Variants in FBXL20 observed in about 807,000 individuals in gnomAD.
FBXL20 encodes the protein F-box and leucine rich repeat protein 20.
In FBXL20, 11 loss-of-function variants were observed where a neutral mutation model predicts 64.0. The observed-to-expected ratio is 0.17, with a 90% CI of 0.11 to 0.28. The LOEUF is 0.28. Among genes scored for constraint, FBXL20 ranks in the 10% least tolerant of loss-of-function variants. The pLI is 1.00. For missense variants in FBXL20, 303 were observed against 526.2 expected, an observed-to-expected ratio of 0.58 and a Z score of 4.15; for synonymous variants, 184 against 189.0, an observed-to-expected ratio of 0.97 and a Z score of 0.22.
chr17:39,384,435 G>C (rs2048057410), intron 1 of FBXL20, among the ~76,000 whole-genome samples: 1 of 151,096 alleles, frequency 6.6e-6, no homozygotes, highest in Non-Finnish European at 1.5e-5. Flanking sequence ...TGAGGCAGGA[G>C]AATCGCTTCA....
rs1306597273 is a variant in FBXL20 at position 39,287,843 on chromosome 17, G to A, written c.399-2270C>T. ...TTTTACATTCCCGCCAGAAATTCAT[G>A]AGGGACCCAGTTTTTCCAAATCCTT... On this transcript the variant is annotated intron_variant, in intron 6 of 14. Coordinates refer to ENST00000264658, the MANE Select transcript of FBXL20 (RefSeq NM_032875.3). Among the ~76,000 whole-genome samples, 6 of 152,066 alleles carry A rather than the reference G, an allele frequency of 3.9e-5. No homozygotes were observed. The East Asian group carries it at 7.7e-4, about 20-fold the overall frequency.
In FBXL20 at chr17:39,268,815, C is replaced by G; in HGVS notation, c.933+12G>C. The G allele has an allele frequency of 6.2e-7, 1 of 1,610,398 alleles. No homozygotes were observed. The highest frequency in any genetic ancestry group is 8.5e-7 in the Non-Finnish European group (1 of 1,177,260). On this transcript the variant is annotated intron_variant, in intron 12 of 14. Transcript: ENST00000264658. ...CTATACTGTATTTCTGAATTAAAATCTACAATCTTACCTGAACACACTCTT... is the reference window on the plus strand; with the variant it reads ...CTATACTGTATTTCTGAATTAAAATGTACAATCTTACCTGAACACACTCTT...
At chr17:39,266,223 G>GC (rs1555601661) in intron 12 of FBXL20, among the ~76,000 whole-genome samples, 1 of 110,282 alleles carries the variant, frequency 9.1e-6, no homozygotes. Context: ...CTAGTTTGTT[G>GC]TTTTTTTTTT....
At chr17:39,336,310 C>T (rs2047521545) in intron 2 of FBXL20, among the ~76,000 whole-genome samples, 2 of 152,012 alleles carry the variant, frequency 1.3e-5, no homozygotes, top group Admixed American at 1.3e-4. Flanking sequence ...TCTAAACAAA[C>T]CAAATGTTGT....
chr17:39,306,145 G>C lies in FBXL20; in HGVS notation c.105-2506C>G, dbSNP rs115137360. Reference sequence around the variant, plus strand: ...GCACTGTACTCCAGCCTGGGTGATAGAGTGAGTTCTTTTTTTTTTTTTTAA... The same window carrying C: ...GCACTGTACTCCAGCCTGGGTGATACAGTGAGTTCTTTTTTTTTTTTTTAA... On this transcript the variant is annotated intron_variant, in intron 2 of 14. Coordinates refer to ENST00000264658, the MANE Select transcript of FBXL20 (RefSeq NM_032875.3). Among the ~76,000 whole-genome samples the C allele has an allele frequency of 7.4e-3, 1,061 of 142,530 alleles. 14 individuals are homozygous for C. Among genetic ancestry groups the C allele is most frequent in the African/African-American group, 0.029 (1,021 of 34,898 alleles). 93.5% of individuals were successfully genotyped at this position (142,530 alleles called of 152,430 possible).
chr17:39,295,789 A>ATG (rs899760378), intron 6 of FBXL20, among the ~76,000 whole-genome samples: 3 of 148,572 alleles, frequency 2.0e-5, no homozygotes, highest in Non-Finnish European at 3.0e-5. Flanking sequence ...ATGGAGATAT[A>ATG]TATATATATA....
At chr17:39,322,195 G>A (rs866991739) in intron 2 of FBXL20, among the ~76,000 whole-genome samples, 2 of 140,542 alleles carry the variant, frequency 1.4e-5, no homozygotes, top group Admixed American at 7.3e-5. Flanking sequence ...AAAAAGCCAT[G>A]CCCCATGCTT....
At chr17:39,401,981 G>A (rs1443115079), upstream of FBXL20, 8 of 468,736 alleles carry the variant, frequency 1.7e-5, no homozygotes, top group East Asian at 7.1e-5. Flanking sequence ...GAGCAGTACC[G>A]CACTCTGCGC....
chr17:39,378,461 A>T (rs949450527), intron 1 of FBXL20, among the ~76,000 whole-genome samples: 1 of 152,160 alleles, frequency 6.6e-6, no homozygotes, highest in Non-Finnish European at 1.5e-5. Flanking sequence ...ATAAAAAACT[A>T]AACGGGCAAA....
intron 6 of FBXL20, 90 bp from the exon 7 acceptor site, chr17:39,285,663 G>A (rs2144398551): frequency 2.9e-6 from 2 of 697,712 alleles, no homozygotes; most frequent in Middle Eastern, 2.6e-4. Flanking sequence ...AAACACATGT[G>A]TATATATAAG....
chr17:39,369,040 A>T (rs2047889379), intron 1 of FBXL20, among the ~76,000 whole-genome samples: 1 of 152,054 alleles, frequency 6.6e-6, no homozygotes, highest in Non-Finnish European at 1.5e-5. Flanking sequence ...CTGTGATCTC[A>T]TGTTTCTTTT....
chr17:39,283,322 TAC>T (rs1163651101), intron 7 of FBXL20, among the ~76,000 whole-genome samples: 3 of 152,254 alleles, frequency 2.0e-5, no homozygotes, highest in Non-Finnish European at 2.9e-5. Context: ...GCATTATACT[TAC>T]ATAGCTGAGT....
At position 39,261,400 on chromosome 17, in the gene FBXL20, C is replaced by CA. The variant is rs1362270221; in HGVS notation, c.*59dup. On this transcript the variant is annotated 3_prime_UTR_variant, in exon 15 of 15. Coordinates refer to ENST00000264658, the MANE Select transcript of FBXL20 (RefSeq NM_032875.3). ...GGGGTTGCTTCCACTGGAGAGACTC[C>CA]ACGGTAGCTCTAGAAGTGTCATTAA... 1.5e-6 allele frequency: 2 copies of CA among 1,374,250 alleles called. No individual in the cohort carries two copies. Among genetic ancestry groups the CA allele is most frequent in the Non-Finnish European group, 2.1e-6 (2 of 963,078 alleles). 85.1% of individuals were successfully genotyped at this position (1,374,250 alleles called of 1,614,324 possible).
chr17:39,335,996 T>C (rs557773163), intron 2 of FBXL20, among the ~76,000 whole-genome samples: 23 of 152,074 alleles, frequency 1.5e-4, no homozygotes, highest in African/African-American at 5.3e-4. Context: ...ACAACATGCG[T>C]GTAGTCCCAG....
intron 1 of FBXL20, among the ~76,000 whole-genome samples, chr17:39,367,156 T>C (rs1318779928): frequency 6.6e-6 from 1 of 152,132 alleles, no homozygotes. Context: ...GTGCTGGGAT[T>C]GTAGGCATAA....
intron 1 of FBXL20, among the ~76,000 whole-genome samples, chr17:39,353,599 C>CTTATTTATTTATTTAT (rs376084578): frequency 3.1e-4 from 43 of 140,322 alleles, no homozygotes; most frequent in South Asian, 1.4e-3. Flanking sequence ...ACCACTACAC[C>CTTATTTATTTATTTAT]TTATTTATTT....
chr17:39,278,525 C>G (rs1235519855), intron 9 of FBXL20, among the ~76,000 whole-genome samples: 1 of 148,780 alleles, frequency 6.7e-6, no homozygotes, highest in East Asian at 2.0e-4. Flanking sequence ...TGTGGTTGAT[C>G]TCTCAGGAGT....
chr17:39,351,429 C>A lies in FBXL20; in HGVS notation c.43-8188G>T, dbSNP rs554153343. Among the ~76,000 whole-genome samples, 13 of 151,406 alleles carry A rather than the reference C, an allele frequency of 8.6e-5. No homozygotes were observed. The East Asian group carries it at 2.3e-3, about 27-fold the overall frequency. On this transcript the variant is annotated intron_variant, in intron 1 of 14. Transcript: ENST00000264658. ...CAAATGGTTCCTGCTCCTGTTCATGCTATTGTTTATAAAACAACTATTTCA... is the reference window on the plus strand; with the variant it reads ...CAAATGGTTCCTGCTCCTGTTCATGATATTGTTTATAAAACAACTATTTCA...
chr17:39,349,965 CTT>C, intron 1 of FBXL20, among the ~76,000 whole-genome samples: 1 of 150,678 alleles, frequency 6.6e-6, no homozygotes, highest in South Asian at 2.1e-4. Flanking sequence ...GCAGTCAAAA[CTT>C]TGTTTCATGC....
Sources: gnomAD v4.1 joint callset for allele counts (sites outside exome capture counted in the v4.1 genomes callset) on GRCh38, gnomAD v4.1.1 for gene constraint, MANE v1.5 for transcripts, NCBI Gene and HGNC (gene_info 2026-07-23, HGNC 2026-07-21) for gene names.